KCNC2: variants seen among roughly 807,000 people sequenced by gnomAD.
KCNC2 encodes the protein voltage-gated potassium channel KCNC2.
In KCNC2, 21 loss-of-function variants were observed where a neutral mutation model predicts 44.5. The observed-to-expected ratio is 0.47, with a 90% CI of 0.33 to 0.68. The LOEUF (loss-of-function observed/expected upper bound fraction) is 0.68, where lower values mean the gene tolerates loss of function less well. KCNC2 is among the 30% of genes least tolerant of loss of function. The pLI is 0.01. For synonymous variants in KCNC2, 391 were observed against 339.1 expected (o/e 1.15, Z -1.68); for missense variants, 589 against 826.2 (o/e 0.71, Z 3.52).
At chr12:75,078,912 G>A (rs1565835434) in intron 2 of KCNC2, among the ~76,000 whole-genome samples, 1 of 152,116 alleles carries the variant, frequency 6.6e-6, no homozygotes, top group Non-Finnish European at 1.5e-5. Flanking sequence ...TTTAATTACG[G>A]TAGGATAAAT....
chr12:75,186,113 A>G (rs1288764850), intron 2 of KCNC2, among the ~76,000 whole-genome samples: 1 of 151,646 alleles, frequency 6.6e-6, no homozygotes, highest in Non-Finnish European at 1.5e-5. Flanking sequence ...TTGTAATTAA[A>G]TAAAGAAAAT....
intron 2 of KCNC2, among the ~76,000 whole-genome samples, chr12:75,173,648 A>G (rs1486153950): frequency 2.0e-5 from 3 of 151,904 alleles, no homozygotes; most frequent in Non-Finnish European, 4.4e-5. Flanking sequence ...TTTTGGAAAT[A>G]TAAACATTCT....
chr12:75,045,610 A>C (rs1880406623), intron 4 of KCNC2, among the ~76,000 whole-genome samples: 1 of 151,956 alleles, frequency 6.6e-6, no homozygotes, highest in African/African-American at 2.4e-5. Context: ...CTTATTTTGA[A>C]CTAACTTCTA....
intron 2 of KCNC2, among the ~76,000 whole-genome samples, chr12:75,179,513 C>T (rs571361165): frequency 2.6e-5 from 4 of 151,192 alleles, no homozygotes; most frequent in East Asian, 3.9e-4. Flanking sequence ...TTTTTATTTC[C>T]GAAACCTACT....
intron 2 of KCNC2, among the ~76,000 whole-genome samples, chr12:75,113,489 C>T (rs943046300): frequency 3.3e-5 from 5 of 152,080 alleles, no homozygotes; most frequent in South Asian, 4.1e-4. Context: ...TCAGTATCAT[C>T]GTTCAAAATA....
At chr12:75,133,961 T>A (rs1054453759) in intron 2 of KCNC2, among the ~76,000 whole-genome samples, 1 of 151,822 alleles carries the variant, frequency 6.6e-6, no homozygotes, top group Non-Finnish European at 1.5e-5. Flanking sequence ...AAGTGGCAAC[T>A]GGTAGGGGTA....
intron 2 of KCNC2, among the ~76,000 whole-genome samples, chr12:75,181,793 T>G (rs1385821802): frequency 6.6e-6 from 1 of 151,990 alleles, no homozygotes; most frequent in Non-Finnish European, 1.5e-5. Flanking sequence ...ATGTCACAGT[T>G]TTACCACAAT....
chr12:75,189,059 T>C (rs1308103371), intron 2 of KCNC2, among the ~76,000 whole-genome samples: 1 of 152,008 alleles, frequency 6.6e-6, no homozygotes, highest in Admixed American at 6.6e-5. Flanking sequence ...GAAATGAAAA[T>C]AGTGAATATT....
At chr12:75,085,325 TC>T (rs1325508689) in intron 2 of KCNC2, among the ~76,000 whole-genome samples, 1 of 151,978 alleles carries the variant, frequency 6.6e-6, no homozygotes, top group African/African-American at 2.4e-5. Flanking sequence ...ACTATTATCA[TC>T]ACTACCATTA....
intron 2 of KCNC2, among the ~76,000 whole-genome samples, chr12:75,088,305 CAT>C (rs950768835): frequency 8.5e-5 from 13 of 152,100 alleles, no homozygotes; most frequent in Admixed American, 2.0e-4. Context: ...ATTCCATAAA[CAT>C]GTGATAATTT....
chr12:75,121,909 A>G (rs917568892), intron 2 of KCNC2, among the ~76,000 whole-genome samples: 6 of 150,498 alleles, frequency 4.0e-5, no homozygotes, highest in Non-Finnish European at 8.9e-5. Flanking sequence ...CTGCAAGTTC[A>G]AGAATGCAGA....
intron 2 of KCNC2, among the ~76,000 whole-genome samples, chr12:75,201,290 AAAAAAAAAC>A (rs1368494741): frequency 0.071 from 6,022 of 84,608 alleles, 703 homozygotes; most frequent in African/African-American, 0.11. Flanking sequence ...AAAAAAAAAA[AAAAAAAAAC>A]CAGATTCTGG....
chr12:75,173,370 T>A (rs1354342887), intron 2 of KCNC2, among the ~76,000 whole-genome samples: 4 of 151,900 alleles, frequency 2.6e-5, no homozygotes, highest in African/African-American at 9.7e-5. Context: ...CAATTGAAAT[T>A]ATCTTACAAC....
intron 2 of KCNC2, among the ~76,000 whole-genome samples, chr12:75,100,147 C>A (rs115661019): frequency 6.6e-6 from 1 of 152,030 alleles, no homozygotes; most frequent in African/African-American, 2.4e-5. Context: ...GTTTCCCTTT[C>A]TAAAAATACA....
At chr12:75,105,799 A>T (rs573013784) in intron 2 of KCNC2, among the ~76,000 whole-genome samples, 4 of 152,112 alleles carry the variant, frequency 2.6e-5, no homozygotes, top group Admixed American at 2.6e-4. Flanking sequence ...GGACATGTTA[A>T]GTTTGAAATG....
At chr12:75,107,072 AG>A (rs1472062823) in intron 2 of KCNC2, among the ~76,000 whole-genome samples, 1 of 151,880 alleles carries the variant, frequency 6.6e-6, no homozygotes, top group African/African-American at 2.4e-5. Flanking sequence ...TGGGGGGCTG[AG>A]GGGGGCAGAT....
At position 75,150,068 on chromosome 12, in the gene KCNC2, A is replaced by G. The variant is rs549716877; in HGVS notation, c.687+57229T>C. 5.5e-4 allele frequency among the ~76,000 whole-genome samples: 83 copies of G among 151,922 alleles called. 1 individual carries two copies. The highest frequency in any genetic ancestry group is 2.4e-3 in the Admixed American group (36 of 15,210). On this transcript the variant is annotated intron_variant, in intron 2 of 4. Transcript: ENST00000549446. Reference sequence around the variant, plus strand: ...GTCATTTGATTATACAACCTTGAATATAAACTGACATTCTGCACCTCTATC... The same window carrying G: ...GTCATTTGATTATACAACCTTGAATGTAAACTGACATTCTGCACCTCTATC...
At chr12:75,131,156 G>C (rs544045065) in intron 2 of KCNC2, among the ~76,000 whole-genome samples, 2 of 152,140 alleles carry the variant, frequency 1.3e-5, no homozygotes, top group East Asian at 3.9e-4. Context: ...ATTACAAAGT[G>C]ACTCAAAGCA....
chr12:75,189,951 T>C (rs928373317), intron 2 of KCNC2, among the ~76,000 whole-genome samples: 1 of 152,124 alleles, frequency 6.6e-6, no homozygotes, highest in Non-Finnish European at 1.5e-5. Flanking sequence ...AATACAAAAA[T>C]CACTTGATAA....
Sources: allele counts gnomAD v4.1 joint callset (sites outside exome capture counted in the v4.1 genomes callset), GRCh38; gene constraint gnomAD v4.1.1; transcripts MANE v1.5; gene names NCBI Gene and HGNC (gene_info 2026-07-23, HGNC 2026-07-21).